Variants in ITPR1 observed in about 807,000 individuals in gnomAD.
The protein encoded by ITPR1 is inositol 1,4,5-trisphosphate receptor type 1, also known as inositol 1,4,5-trisphosphate-gated calcium channel ITPR1.
ITPR1 carries 96 observed loss-of-function variants against 318.4 expected under a neutral mutation model. The observed-to-expected ratio is 0.30, with a 90% CI of 0.26 to 0.36. ITPR1 has a LOEUF of 0.36. Ranked by LOEUF, ITPR1 falls within the 10% of genes least tolerant of loss-of-function variation. The pLI is 1.00. For missense variants in ITPR1, 2,440 were observed against 3,460.2 expected, an observed-to-expected ratio of 0.71 and a Z score of 7.40; for synonymous variants, 1,312 against 1,289.9, an observed-to-expected ratio of 1.02 and a Z score of -0.37.
intron 42 of ITPR1, among the ~76,000 whole-genome samples, chr3:4,728,763 G>C (rs1395142218): frequency 1.3e-5 from 2 of 152,166 alleles, no homozygotes; most frequent in Non-Finnish European, 2.9e-5. Flanking sequence ...TGATGCCTGA[G>C]ATAAATGGGT....
chr3:4,675,021 A>G (rs1246194515), intron 22 of ITPR1, 47 bp from the exon 23 acceptor site: 1 of 1,005,886 alleles, frequency 9.9e-7, no homozygotes, highest in Admixed American at 2.0e-5. Context: ...ATTGAAGGGG[A>G]TGCAGTTTAT....
intron 4 of ITPR1, among the ~76,000 whole-genome samples, chr3:4,580,173 C>G (rs544793783): frequency 4.6e-5 from 7 of 152,136 alleles, no homozygotes; most frequent in Non-Finnish European, 7.4e-5. Context: ...TCATGCCACT[C>G]CACTCCATCC....
intron 4 of ITPR1, among the ~76,000 whole-genome samples, chr3:4,572,049 A>T (rs2088063213): frequency 6.6e-6 from 1 of 152,218 alleles, no homozygotes; most frequent in Non-Finnish European, 1.5e-5. Flanking sequence ...TCCTGAGTCT[A>T]CTTGTGAGTC....
At chr3:4,598,164 C>G (rs566965698) in intron 4 of ITPR1, among the ~76,000 whole-genome samples, 57 of 152,334 alleles carry the variant, frequency 3.7e-4, no homozygotes, top group African/African-American at 1.2e-3. Context: ...TCCTTCCCCT[C>G]TCCCCTGGTT....
At chr3:4,732,206 C>T (rs1037583250) in intron 42 of ITPR1, among the ~76,000 whole-genome samples, 10 of 152,282 alleles carry the variant, frequency 6.6e-5, no homozygotes, top group African/African-American at 2.4e-4. Context: ...TATTACTGAA[C>T]AATGGAGGTT....
intron 2 of ITPR1, among the ~76,000 whole-genome samples, chr3:4,509,392 T>C (rs1432681792): frequency 6.6e-6 from 1 of 152,238 alleles, no homozygotes; most frequent in African/African-American, 2.4e-5. Context: ...ATATTTTGTT[T>C]CTTGCTTCCA....
At position 4,835,196 on chromosome 3, in the gene ITPR1, A is replaced by T. The variant is rs528283620; in HGVS notation, c.8029-1578A>T. Among the ~76,000 whole-genome samples the T allele has an allele frequency of 5.3e-4, 78 of 147,774 alleles. 1 individual carries two copies. The South Asian group carries it at 0.016, about 31-fold the overall frequency. Reference sequence around the variant, plus strand: ...GGTATGACTGCTTGTGATATTTTTCATCTAGCTCTCTTATAGGGCTTCTAT... The same window carrying T: ...GGTATGACTGCTTGTGATATTTTTCTTCTAGCTCTCTTATAGGGCTTCTAT... On this transcript the variant is annotated intron_variant, in intron 60 of 61. Coordinates refer to ENST00000649015, the MANE Select transcript of ITPR1 (RefSeq NM_001378452.1).
chr3:4,639,877 C>T (rs2093297547), intron 6 of ITPR1, among the ~76,000 whole-genome samples: 1 of 152,182 alleles, frequency 6.6e-6, no homozygotes, highest in African/African-American at 2.4e-5. Flanking sequence ...AAGAGCAATT[C>T]TGTACCTTTG....
intron 4 of ITPR1, among the ~76,000 whole-genome samples, chr3:4,552,799 T>C (rs757903098): frequency 5.3e-5 from 8 of 152,160 alleles, no homozygotes; most frequent in Non-Finnish European, 7.4e-5. Context: ...ACCAGCTCCA[T>C]CTAGAAGCTG....
intron 33 of ITPR1, among the ~76,000 whole-genome samples, chr3:4,694,902 A>G (rs80126659): frequency 5.6e-4 from 85 of 152,332 alleles, no homozygotes; most frequent in African/African-American, 1.9e-3. Flanking sequence ...ATAATTTATT[A>G]TGTTCTTGTG....
chr3:4,712,670 A>C (rs1051501252), intron 39 of ITPR1, among the ~76,000 whole-genome samples: 2 of 152,360 alleles, frequency 1.3e-5, no homozygotes, highest in South Asian at 2.1e-4. Context: ...TTGATAATTA[A>C]ATCAGCCTGC....
chr3:4,777,439 C>A (rs2046549808), intron 48 of ITPR1, 65 bp downstream of exon 48: 1 of 905,626 alleles, frequency 1.1e-6, no homozygotes, highest in Non-Finnish European at 1.8e-6. Context: ...TTTGCCTTGG[C>A]ACATGCACAT....
intron 5 of ITPR1, among the ~76,000 whole-genome samples, chr3:4,636,523 G>A (rs997959929): frequency 9.2e-5 from 14 of 152,130 alleles, no homozygotes; most frequent in African/African-American, 3.1e-4. Flanking sequence ...CCGCTTCCCG[G>A]GTTCCAGTGA....
intron 27 of ITPR1, 30 bp downstream of exon 27, chr3:4,683,581 C>G (rs2094338615): frequency 1.2e-6 from 2 of 1,613,646 alleles, no homozygotes; most frequent in Admixed American, 1.7e-5. Context: ...TGTGTGTTGT[C>G]TGTCCAAGAA....
At chr3:4,748,394 A>G (rs2044259978) in intron 44 of ITPR1, among the ~76,000 whole-genome samples, 1 of 152,130 alleles carries the variant, frequency 6.6e-6, no homozygotes, top group Admixed American at 6.5e-5. Flanking sequence ...CTGCTTGGTT[A>G]GCCAATGAGT....
chr3:4,683,809 C>T lies in ITPR1; in HGVS notation c.3498+11C>T, dbSNP rs1008288158. 1.2e-6 allele frequency: 2 copies of T among 1,610,950 alleles called. No individual in the cohort carries two copies. Among genetic ancestry groups the T allele is most frequent in the Non-Finnish European group, 8.5e-7 (1 of 1,177,892 alleles). ...CATAAGAAAACGGAGGTGAGTGAAA[C>T]ACAAGTTATGCTGCCAAAGTGGATG... On this transcript the variant is annotated intron_variant, in intron 28 of 61. Transcript: ENST00000649015.
At chr3:4,662,347 G>A in intron 15 of ITPR1, 105 bp downstream of exon 15, 1 of 1,001,400 alleles carries the variant, frequency 1.0e-6, no homozygotes, top group Non-Finnish European at 1.4e-6. Flanking sequence ...CTAAACATGG[G>A]GTAGCAGGCC....
At position 4,667,561 on chromosome 3, in the gene ITPR1, G is replaced by A. The variant is rs989884786; in HGVS notation, c.1886+12G>A. The A allele has an allele frequency of 1.9e-6, 3 of 1,610,416 alleles. No homozygotes were observed. Among genetic ancestry groups the A allele is most frequent in the African/African-American group, 1.3e-5 (1 of 74,848 alleles). On this transcript the variant is annotated intron_variant, in intron 18 of 61. Transcript: ENST00000649015. The stretch of plus-strand genomic sequence containing the variant: ...AACAGGGAGCCCAGGTGAGGCGGGA[G>A]TGGGGTCCATGCAGGATGGTGTCTC...
At chr3:4,782,480 C>A in intron 49 of ITPR1, 139 bp from the exon 50 acceptor site, 2 of 735,512 alleles carry the variant, frequency 2.7e-6, no homozygotes, top group Non-Finnish European at 2.1e-6. Context: ...GATTCTGAGG[C>A]TGTGTCCAAG....
Sources: gnomAD v4.1 joint callset for allele counts (sites outside exome capture counted in the v4.1 genomes callset) on GRCh38, gnomAD v4.1.1 for gene constraint, MANE v1.5 for transcripts, NCBI Gene and HGNC (gene_info 2026-07-23, HGNC 2026-07-21) for gene names.